DACH2: variants seen among roughly 807,000 people sequenced by gnomAD.
DACH2 encodes the protein dachshund family transcription factor 2, also known as dachshund homolog 2.
Under a neutral mutation model 35.8 loss-of-function variants are expected in DACH2, and 17 were observed. The ratio of observed to expected loss-of-function variants is 0.48; its 90% CI spans 0.33 to 0.71. DACH2 has a LOEUF of 0.71. Ranked by LOEUF, DACH2 falls within the 30% of genes least tolerant of loss-of-function variation. DACH2 has a pLI of 0.02. For synonymous variants in DACH2, 195 were observed against 177.3 expected (o/e 1.10, Z -0.79); for missense variants, 469 against 472.7 (o/e 0.99, Z 0.07).
chrX:86,433,188 C>T (rs1453892470), intron 2 of DACH2, among the ~76,000 whole-genome samples: 1 of 111,330 alleles, frequency 9.0e-6, no homozygotes. Flanking sequence ...GTGTAAAATG[C>T]TACAAAGATG....
chrX:86,775,227 T>A (rs2042020802), intron 7 of DACH2, among the ~76,000 whole-genome samples: 1 of 111,035 alleles, frequency 9.0e-6, no homozygotes, highest in South Asian at 3.8e-4. Flanking sequence ...AAGAATATGT[T>A]GTGTTTAAAT....
chrX:86,383,311 A>C (rs2036074281), intron 2 of DACH2, among the ~76,000 whole-genome samples: 1 of 109,196 alleles, frequency 9.2e-6, no homozygotes, highest in South Asian at 3.9e-4. Flanking sequence ...TTTATTAAAA[A>C]ACAAGAAAGG....
At chrX:86,637,010 CA>C (rs376375907) in intron 3 of DACH2, among the ~76,000 whole-genome samples, 1,407 of 29,462 alleles carry the variant, frequency 0.048, 34 homozygotes, top group African/African-American at 0.15. Context: ...AACAAATTTA[CA>C]AAAAAAAAAA....
rs1044349446 is a variant in DACH2 at position 86,527,838 on chromosome X, A to G, written c.640+13447A>G. Among the ~76,000 whole-genome samples the G allele has an allele frequency of 5.4e-5, 6 of 111,957 alleles. No homozygotes were observed. In the Admixed American group the frequency reaches 5.7e-4, roughly 11 times the overall value. On this transcript the variant is annotated intron_variant, in intron 3 of 11. Transcript: ENST00000373125. ...ATGTATGGTTGTTCATATCATTGCC[A>G]ACACTTACTGTGTCCAGTCTTAGAA...
intron 2 of DACH2, among the ~76,000 whole-genome samples, chrX:86,405,160 T>C (rs1240059941): frequency 9.0e-6 from 1 of 111,697 alleles, no homozygotes; most frequent in Non-Finnish European, 1.9e-5. Context: ...TGACATGCCC[T>C]GGAGATATTT....
intron 1 of DACH2, among the ~76,000 whole-genome samples, chrX:86,330,380 A>C (rs771106163): frequency 8.9e-6 from 1 of 111,818 alleles, no homozygotes; most frequent in Admixed American, 9.6e-5. Flanking sequence ...TTTAATAAAT[A>C]TTATCCCATT....
intron 2 of DACH2, among the ~76,000 whole-genome samples, chrX:86,505,436 C>T (rs1165242628): frequency 2.7e-5 from 3 of 111,766 alleles, no homozygotes; most frequent in African/African-American, 9.8e-5. Flanking sequence ...AACAACTCCC[C>T]ATCTTCCCCT....
intron 1 of DACH2, among the ~76,000 whole-genome samples, chrX:86,234,883 G>T (rs1426265793): frequency 9.0e-6 from 1 of 111,131 alleles, no homozygotes; most frequent in Admixed American, 9.6e-5. Flanking sequence ...AAGGTGCTAG[G>T]GTTATAGCCA....
intron 7 of DACH2, among the ~76,000 whole-genome samples, chrX:86,747,795 T>C (rs1375162424): frequency 9.0e-6 from 1 of 111,595 alleles, no homozygotes; most frequent in Non-Finnish European, 1.9e-5. Flanking sequence ...GTTTGCCACA[T>C]CAATTGACTT....
At chrX:86,390,949 T>C (rs2036191319) in intron 2 of DACH2, among the ~76,000 whole-genome samples, 1 of 110,507 alleles carries the variant, frequency 9.0e-6, no homozygotes, top group African/African-American at 3.3e-5. Flanking sequence ...TATTGTCAGT[T>C]TATGAAAAAA....
chrX:86,328,012 GT>G (rs752578375), intron 1 of DACH2, among the ~76,000 whole-genome samples: 7 of 110,768 alleles, frequency 6.3e-5, no homozygotes, highest in Admixed American at 3.8e-4. Flanking sequence ...TGCAATACTT[GT>G]TTTTTTCTTC....
intron 4 of DACH2, among the ~76,000 whole-genome samples, chrX:86,658,199 A>T (rs2040564816): frequency 4.5e-5 from 5 of 111,788 alleles, no homozygotes; most frequent in African/African-American, 1.6e-4. Context: ...AAATTTATTG[A>T]CACATCCTGA....
chrX:86,192,349 T>C (rs914669336), intron 1 of DACH2, among the ~76,000 whole-genome samples: 9 of 112,301 alleles, frequency 8.0e-5, no homozygotes, highest in African/African-American at 2.9e-4. Context: ...AGGTGCTCAA[T>C]CAGTATTGAG....
chrX:86,363,895 A>G (rs2035771641), intron 1 of DACH2, among the ~76,000 whole-genome samples: 1 of 111,475 alleles, frequency 9.0e-6, no homozygotes, highest in South Asian at 3.7e-4. Flanking sequence ...TTTGTTTCCT[A>G]TAGTTAAAAA....
Position 86,753,085 on chromosome X carries a change from G to C in DACH2, c.1240+13203G>C, listed in dbSNP as rs1403426869. 3.7e-5 allele frequency among the ~76,000 whole-genome samples: 4 copies of C among 108,762 alleles called. No homozygotes were observed. In the East Asian group the frequency reaches 1.2e-3, roughly 32 times the overall value. The allele number at this position is 108,762 out of a possible 115,157, so 94.4% of individuals were successfully genotyped here. ...ACACACACACACACACATACACCCCGACACACACAAATCATGGTTCATTTA... is the reference window on the plus strand; with the variant it reads ...ACACACACACACACACATACACCCCCACACACACAAATCATGGTTCATTTA... On this transcript the variant is annotated intron_variant, in intron 7 of 11. Coordinates refer to ENST00000373125, the MANE Select transcript of DACH2 (RefSeq NM_053281.3).
intron 1 of DACH2, among the ~76,000 whole-genome samples, chrX:86,294,367 G>T (rs913679233): frequency 1.8e-5 from 2 of 109,688 alleles, no homozygotes; most frequent in African/African-American, 6.7e-5. Context: ...CCTTTGGTTT[G>T]AATGTCCTCC....
chrX:86,577,432 T>C (rs2039448726), intron 3 of DACH2, among the ~76,000 whole-genome samples: 1 of 111,611 alleles, frequency 9.0e-6, no homozygotes, highest in Non-Finnish European at 1.9e-5. Context: ...TTTAATAATA[T>C]GGAAGAATAG....
At position 86,403,479 on chromosome X, in the gene DACH2, T is replaced by C. The variant is rs187389546; in HGVS notation, c.527+26617T>C. ...AATCAAAACCACAATAAGATACCAT[T>C]TCACATCAGTCAGAATGGCTATTAC... On this transcript the variant is annotated intron_variant, in intron 2 of 11. Transcript: ENST00000373125. 5.0e-3 allele frequency among the ~76,000 whole-genome samples: 561 copies of C among 111,590 alleles called. 5 individuals carry two copies. The highest frequency in any genetic ancestry group is 0.017 in the African/African-American group (534 of 30,678).
chrX:86,240,942 C>T (rs1452893302), intron 1 of DACH2, among the ~76,000 whole-genome samples: 4 of 111,576 alleles, frequency 3.6e-5, no homozygotes, highest in Non-Finnish European at 7.5e-5. Context: ...CTGAGGCCTC[C>T]TAGCCATGCT....
Sources: allele counts gnomAD v4.1 joint callset (sites outside exome capture counted in the v4.1 genomes callset), GRCh38; gene constraint gnomAD v4.1.1; transcripts MANE v1.5; gene names NCBI Gene and HGNC (gene_info 2026-07-23, HGNC 2026-07-21).